PGF: variants seen among roughly 807,000 people sequenced by gnomAD.
PGF encodes the protein placental growth factor.
A neutral mutation model predicts 25.3 loss-of-function variants in PGF; 11 were observed. That is an observed-to-expected ratio of 0.43 (90% CI 0.27 to 0.72). The LOEUF (loss-of-function observed/expected upper bound fraction) is 0.72. PGF is among the 30% of genes least tolerant of loss of function. The pLI is 0.18. For missense variants in PGF, 230 were observed against 234.9 expected, an observed-to-expected ratio of 0.98 and a Z score of 0.14; for synonymous variants, 105 against 97.9, an observed-to-expected ratio of 1.07 and a Z score of -0.43.
intron 3 of PGF, among the ~76,000 whole-genome samples, chr14:74,949,112 C>T (rs924140032): frequency 1.3e-5 from 2 of 152,214 alleles, no homozygotes; most frequent in African/African-American, 4.8e-5. Flanking sequence ...TTCTTTCCAG[C>T]TTTAACTAGA....
At chr14:74,944,396 C>CTGGCCTGCTTGCGG (rs1297716411) in intron 6 of PGF, among the ~76,000 whole-genome samples, 2 of 152,022 alleles carry the variant, frequency 1.3e-5, no homozygotes, top group Non-Finnish European at 2.9e-5. Flanking sequence ...GCCACCGCGC[C>CTGGCCTGCTTGCGG]TGGCCTGCTT....
rs766515420 is a variant in PGF at position 74,953,026 on chromosome 14, G to A, written c.118+878C>T. Reference sequence around the variant, plus strand: ...TGCTGGTTCCAGAGGCACAGCAAGGGAGGCATCCATGAGGTCAAGGGCAGC... The same window carrying A: ...TGCTGGTTCCAGAGGCACAGCAAGGAAGGCATCCATGAGGTCAAGGGCAGC... On this transcript the variant is annotated intron_variant, in intron 2 of 6. Coordinates refer to ENST00000555567, the MANE Select transcript of PGF (RefSeq NM_002632.6). This position sits in a 1 kb window ranked among gnomAD's most constrained non-coding sequence, Gnocchi z 5.4. Among the ~76,000 whole-genome samples, 1 of 152,214 alleles carries A rather than the reference G, an allele frequency of 6.6e-6. No homozygotes were observed. The highest frequency in any genetic ancestry group is 2.4e-5 in the African/African-American group (1 of 41,456).
Position 74,953,216 on chromosome 14 carries a change from C to G in PGF, c.118+688G>C, listed in dbSNP as rs1284187447. 6.6e-6 allele frequency among the ~76,000 whole-genome samples: 1 copy of G among 152,236 alleles called. No homozygotes were observed. Among genetic ancestry groups the G allele is most frequent in the Non-Finnish European group, 1.5e-5 (1 of 68,032 alleles). On this transcript the variant is annotated intron_variant, in intron 2 of 6. Coordinates refer to ENST00000555567, the MANE Select transcript of PGF (RefSeq NM_002632.6). This position sits in a 1 kb window ranked among gnomAD's most constrained non-coding sequence, Gnocchi z 5.4. ...GTGTGCATGTCCCTACATGCCCACT[C>G]TCCCATGGCGCAGGGGAAACCTCAG... is the stretch of plus-strand genomic sequence containing the variant.
At chr14:74,949,031 C>T (rs1888809320) in intron 3 of PGF, among the ~76,000 whole-genome samples, 1 of 152,202 alleles carries the variant, frequency 6.6e-6, no homozygotes, top group South Asian at 2.1e-4. Context: ...GCGTGTGTGA[C>T]ATGTAAGCTG....
Position 74,949,370 on chromosome 14 carries a change from T to G in PGF, c.302A>C (p.Asn101Thr). Reference sequence around the variant, plus strand: ...GTATGGACCTACCTGCATGGTGACATTGGCCGTCTCCACCGGCACACAGTG... The same window carrying G: ...GTATGGACCTACCTGCATGGTGACAGTGGCCGTCTCCACCGGCACACAGTG... ...NLHCVPVETA[N>T]VTMQLLKIRS... is the part of the protein sequence containing the mutation. The change falls in exon 3 of 7, where the codon AAT becomes ACT. Residue 101 changes from asparagine to threonine, a missense_variant. Asn to Thr is a moderately conservative substitution (Grantham distance 65). Coordinates refer to ENST00000555567, the MANE Select transcript of PGF (RefSeq NM_002632.6). 6.4e-7 allele frequency: 1 copy of G among 1,573,972 alleles called. No homozygotes were observed. The highest frequency in any genetic ancestry group is 8.6e-7 in the Non-Finnish European group (1 of 1,158,790).
rs371574652 is a variant in PGF, at chr14:74,949,384, C to T, written c.288G>A (p.Pro96=). ...GCATGGTGACATTGGCCGTCTCCACCGGCACACAGTGCAGATTCTCATCGC... is the reference window on the plus strand; with the variant it reads ...GCATGGTGACATTGGCCGTCTCCACTGGCACACAGTGCAGATTCTCATCGC... ...CCGDENLHCV[P]VETANVTMQL... The change falls in exon 3 of 7, where the codon CCG becomes CCA. Residue 96 remains proline (P), a synonymous_variant. Coordinates refer to ENST00000555567, the MANE Select transcript of PGF (RefSeq NM_002632.6). 28 of 1,587,814 alleles carry T rather than the reference C, an allele frequency of 1.8e-5. No individual in the cohort carries two copies. Among genetic ancestry groups the T allele is most frequent in the Admixed American group, 5.3e-5 (3 of 56,678 alleles).
intron 4 of PGF, chr14:74,946,932 G>C: frequency 1.4e-6 from 1 of 720,842 alleles, no homozygotes; most frequent in Non-Finnish European, 2.6e-6. Flanking sequence ...TCTGGGCTCT[G>C]CCTCCCAGGG....
At chr14:74,952,598 G>A (rs1888896930) in intron 2 of PGF, among the ~76,000 whole-genome samples, 1 of 152,238 alleles carries the variant, frequency 6.6e-6, no homozygotes, top group Admixed American at 6.5e-5. Context: ...TGCTGTCTCT[G>A]GCTGTGGTGT....
intron 2 of PGF, among the ~76,000 whole-genome samples, chr14:74,952,483 A>G (rs1382343644): frequency 2.6e-5 from 4 of 152,244 alleles, no homozygotes; most frequent in South Asian, 2.1e-4. Flanking sequence ...AATGGAGTAC[A>G]ACCCCTTCCT....
chr14:74,949,301 C>G lies in PGF; in HGVS notation c.315+56G>C, dbSNP rs968104658. On this transcript the variant is annotated intron_variant, in intron 3 of 6. Coordinates refer to ENST00000555567, the MANE Select transcript of PGF (RefSeq NM_002632.6). ...GACCTGGGCCTATCTTCTTCCCTCT[C>G]CAGGTACCTTCTAGTGGGCAGATTC... is the stretch of plus-strand genomic sequence containing the variant. 8 of 1,363,354 alleles carry G rather than the reference C, an allele frequency of 5.9e-6. No individual in the cohort carries two copies. The African/African-American group carries it at 1.2e-4, about 20-fold the overall frequency. The allele number at this position is 1,363,354 out of a possible 1,614,324, so 84.5% of individuals were successfully genotyped here.
At chr14:74,952,042 C>T (rs1337135584) in intron 2 of PGF, among the ~76,000 whole-genome samples, 1 of 152,062 alleles carries the variant, frequency 6.6e-6, no homozygotes, top group Non-Finnish European at 1.5e-5. Flanking sequence ...GAAGCTGTGG[C>T]CCCCTCAGGG....
chr14:74,951,297 G>C (rs1452679069), intron 2 of PGF, among the ~76,000 whole-genome samples: 3 of 152,158 alleles, frequency 2.0e-5, no homozygotes, highest in Non-Finnish European at 4.4e-5. Context: ...CCGGAACCCA[G>C]TGGGAAACAA....
In PGF at chr14:74,946,400, C is replaced by A. The variant is rs907301103; in HGVS notation, c.401G>T (p.Arg134Leu). The change falls in exon 5 of 7, where the codon CGG (arginine) becomes CTG (leucine). Residue 134 changes from arginine (R) to leucine (L), a missense_variant. Coordinates refer to ENST00000555567, the MANE Select transcript of PGF (RefSeq NM_002632.6). ...QHVRCECRPL[R>L]EKMKPERRRP... Reference sequence around the variant, plus strand: ...TTACCTTTCCGGCTTCATCTTCTCCCGCAGAGGCCTAGGGAAACAGACAGA... The same window carrying A: ...TTACCTTTCCGGCTTCATCTTCTCCAGCAGAGGCCTAGGGAAACAGACAGA... 6.2e-7 allele frequency: 1 copy of A among 1,610,714 alleles called. No homozygotes were observed. Among genetic ancestry groups the A allele is most frequent in the Admixed American group, 1.7e-5 (1 of 59,822 alleles).
intron 6 of PGF, 143 bp from the exon 7 acceptor site, chr14:74,942,876 G>T: frequency 1.5e-6 from 1 of 664,184 alleles, no homozygotes; most frequent in East Asian, 3.1e-5. Flanking sequence ...GTCCCTGCTT[G>T]CTTCAAGCTG....
Position 74,953,416 on chromosome 14 carries a change from G to GGC in PGF, c.118+486_118+487dup, listed in dbSNP as rs1290822089. On this transcript the variant is annotated intron_variant, in intron 2 of 6. Transcript: ENST00000555567. The surrounding 1 kb of genome is among the most constrained non-coding windows in gnomAD (Gnocchi z 5.4). ...GGCGGGGAGTGGAGGGGCCAGGGAG[G>GGC]GCGCGACTATGTTCTGTCTGTTTAT... Among the ~76,000 whole-genome samples, 1 of 152,226 alleles carries GGC rather than the reference G, an allele frequency of 6.6e-6. No homozygotes were observed. Among genetic ancestry groups the GGC allele is most frequent in the Non-Finnish European group, 1.5e-5 (1 of 68,032 alleles).
chr14:74,942,576 G>T lies in PGF; in HGVS notation c.*130C>A. The stretch of plus-strand genomic sequence containing the variant: ...TCCTTCCCTGCCCCTCGTCTTGAAG[G>T]GAGCGAGGCATTCAGCAGGGAAACA... On this transcript the variant is annotated 3_prime_UTR_variant, in exon 7 of 7. Transcript: ENST00000555567. 1 of 868,678 alleles carries T rather than the reference G, an allele frequency of 1.2e-6. No individual in the cohort carries two copies. Among genetic ancestry groups the T allele is most frequent in the East Asian group, 2.8e-5 (1 of 36,324 alleles). The allele number at this position is 868,678 out of a possible 1,614,324, so 53.8% of individuals were successfully genotyped here. A position where few individuals can be genotyped will look rare whatever the true frequency, so the allele number is the denominator to read the frequency against.
At chr14:74,949,327 G>T (rs61759377) in intron 3 of PGF, 30 bp downstream of exon 3, 1 of 1,456,254 alleles carries the variant, frequency 6.9e-7, no homozygotes, top group Non-Finnish European at 9.2e-7. Flanking sequence ...GGGCAGATTC[G>T]GTGGCCCCCT....
intron 6 of PGF, among the ~76,000 whole-genome samples, chr14:74,944,346 C>T (rs1888676136): frequency 6.6e-6 from 1 of 151,972 alleles, no homozygotes; most frequent in Admixed American, 6.6e-5. Context: ...TTGCGATCCG[C>T]CCGCCTTGGC....
rs1288355339 is a variant in PGF, at chr14:74,955,220, G to A, written c.23C>T (p.Pro8Leu). 3.4e-6 allele frequency: 5 copies of A among 1,488,196 alleles called. No individual in the cohort carries two copies. Among genetic ancestry groups the A allele is most frequent in the Non-Finnish European group, 4.5e-6 (5 of 1,111,554 alleles). The allele number at this position is 1,488,196 out of a possible 1,614,324, so 92.2% of individuals were successfully genotyped here. A position where few individuals can be genotyped will look rare whatever the true frequency, so the allele number is the denominator to read the frequency against. MPVMRLF[P>L]CFLQLLAGLA... Reference sequence around the variant, plus strand: ...CCCGGCCAGGAGCTGCAGGAAGCAAGGGAACAGCCTCATGACCGGCATCTT... The same window carrying A: ...CCCGGCCAGGAGCTGCAGGAAGCAAAGGAACAGCCTCATGACCGGCATCTT... The change falls in exon 1 of 7, where the codon CCT becomes CTT. Residue 8 changes from proline (P) to leucine (L), a missense_variant. Physicochemically the swap from Pro to Leu is moderately conservative, Grantham distance 98 (BLOSUM62 -3). Coordinates refer to ENST00000555567, the MANE Select transcript of PGF (RefSeq NM_002632.6). The surrounding 1 kb of genome is among the most constrained non-coding windows in gnomAD (Gnocchi z 4.1).
Sources: gnomAD v4.1 joint callset for allele counts (sites outside exome capture counted in the v4.1 genomes callset) on GRCh38, gnomAD v4.1.1 for gene constraint, Gnocchi (gnomAD v3.1) non-coding constraint, MANE v1.5 for transcripts, NCBI Gene and HGNC (gene_info 2026-07-23, HGNC 2026-07-21) for gene names.